PLCH2: variants seen among roughly 807,000 people sequenced by gnomAD.
PLCH2 encodes 1-phosphatidylinositol 4,5-bisphosphate phosphodiesterase eta-2.
In PLCH2, 98 loss-of-function variants were observed where a neutral mutation model predicts 134.7. The observed-to-expected ratio is 0.73, with a 90% CI of 0.62 to 0.86. The LOEUF (loss-of-function observed/expected upper bound fraction) is 0.86. Among genes scored for constraint, PLCH2 ranks in the 40% least tolerant of loss-of-function variants. The probability of loss-of-function intolerance (pLI) is 0.00; values close to 1 mark genes in which losing one functional copy is unlikely to be tolerated. For missense variants in PLCH2, 1,994 were observed against 1,986.6 expected, an observed-to-expected ratio of 1.00 and a Z score of -0.07; for synonymous variants, 974 against 827.5, an observed-to-expected ratio of 1.18 and a Z score of -3.04.
At chr1:2,472,943 TG>T (rs2100625561), upstream of PLCH2, among the ~76,000 whole-genome samples, 1 of 130,734 alleles carries the variant, frequency 7.6e-6, no homozygotes, top group African/African-American at 2.9e-5. Flanking sequence ...GTGTGATTTG[TG>T]GGTTTTGTTG....
At chr1:2,497,400 G>A (rs1443666047) in intron 15 of PLCH2, 102 bp from the exon 16 acceptor site, 6 of 768,840 alleles carry the variant, frequency 7.8e-6, no homozygotes, top group South Asian at 1.7e-5. Flanking sequence ...CGGCAGATAC[G>A]CGGCAGCTGT....
chr1:2,499,500 C>A, intron 19 of PLCH2, 141 bp from the exon 20 acceptor site: 1 of 727,474 alleles, frequency 1.4e-6, no homozygotes, highest in Non-Finnish European at 2.4e-6. Context: ...TAGTGCTGGG[C>A]CCACAGGAGG....
chr1:2,435,996 C>G (rs1270919604), intron 2 of PLCH2, among the ~76,000 whole-genome samples: 1 of 135,398 alleles, frequency 7.4e-6, no homozygotes, highest in Non-Finnish European at 1.6e-5. Context: ...CTCCCCTCCT[C>G]CCTTCCTCCC....
At chr1:2,415,954 C>T in the PLCH2 span, among the ~76,000 whole-genome samples, 5 of 152,256 alleles carry the variant, frequency 3.3e-5, no homozygotes, top group African/African-American at 4.8e-5. Context: ...AACCCAGTTC[C>T]GGTGCTGTGG....
chr1:2,503,586 C>T (rs1279448436), intron 21 of PLCH2: 18 of 689,446 alleles, frequency 2.6e-5, no homozygotes, highest in South Asian at 2.6e-4. Flanking sequence ...CCAAGCTTTC[C>T]TTTCTGCCCC....
intron 2 of PLCH2, among the ~76,000 whole-genome samples, chr1:2,436,531 T>TCCTTCCTCCCTCCTC (rs1463766314): frequency 1.6e-4 from 7 of 42,828 alleles, no homozygotes; most frequent in Non-Finnish European, 3.6e-5. Flanking sequence ...CCTCCTTTCC[T>TCCTTCCTCCCTCCTC]CCTTCCTCCC....
chr1:2,451,264 G>A (rs1243534272), intron 2 of PLCH2, among the ~76,000 whole-genome samples: 1 of 152,178 alleles, frequency 6.6e-6, no homozygotes, highest in Non-Finnish European at 1.5e-5. Context: ...GGCTTGCCTC[G>A]TGTCCCGATT....
In PLCH2 at chr1:2,504,982, C is replaced by T; in HGVS notation, c.4020C>T (p.Ser1340=). ...CTGGTTTTGTGCGGCGCTCCTCCTCCCGCAGCCACAGCCGCGTGCGTGCCA... is the reference window on the plus strand; with the variant it reads ...CTGGTTTTGTGCGGCGCTCCTCCTCTCGCAGCCACAGCCGCGTGCGTGCCA... ...GGPGFVRRSS[S]RSHSRVRAIA... is the part of the protein sequence containing the mutation. The change falls in exon 22 of 22, where the codon TCC becomes TCT. Residue 1340 remains serine, a synonymous_variant. Coordinates refer to ENST00000378486, the MANE Select transcript of PLCH2 (RefSeq NM_014638.4). 3.2e-6 allele frequency: 5 copies of T among 1,549,386 alleles called. No homozygotes were observed. The highest frequency in any genetic ancestry group is 1.2e-5 in the South Asian group (1 of 84,558).
chr1:2,473,939 G>A (rs1641474471), upstream of PLCH2, among the ~76,000 whole-genome samples: 1 of 152,274 alleles, frequency 6.6e-6, no homozygotes. Flanking sequence ...CCTGGCTCAG[G>A]CTCACGGGAG....
In PLCH2 at chr1:2,494,943, C is replaced by T. The variant is rs770274665; in HGVS notation, c.1747C>T (p.Arg583Cys). ...CCTCGTCGTGGGAAGCTTCTCCAGG[C>T]GCAAGGTCCGGCGCAGCTCCCAGGC... Reference protein sequence around the residue: ...GRLVVGSFSRRKKKGSKLKKA... With the variant: ...GRLVVGSFSRCKKKGSKLKKA... Residue 583 changes from arginine to cysteine, a missense_variant, in exon 12 of 22, where the codon CGC (arginine) becomes TGC (cysteine). By Grantham distance (180) the Arg-to-Cys change is radical (BLOSUM62 -3). Around this residue, in one of 2 missense-constraint regions of PLCH2, gnomAD observed 1,094 missense variants for 1,234.3 expected, o/e 0.89. Transcript: ENST00000378486. 11 of 1,588,596 alleles carry T rather than the reference C, an allele frequency of 6.9e-6. No individual in the cohort carries two copies. The highest frequency in any genetic ancestry group is 3.4e-5 in the South Asian group (3 of 87,718).
In PLCH2 at chr1:2,444,660, T is replaced by G. The variant is rs925139368; in HGVS notation, c.115+14031T>G. Among the ~76,000 whole-genome samples the G allele has an allele frequency of 6.6e-6, 1 of 151,960 alleles. No homozygotes were observed. Among genetic ancestry groups the G allele is most frequent in the Non-Finnish European group, 1.5e-5 (1 of 67,944 alleles). Reference sequence around the variant, plus strand: ...GGAAGATGCCAAGGAGATAAGAGGCTTCCCCTCCCCTCCGCTCCCCGCCTC... The same window carrying G: ...GGAAGATGCCAAGGAGATAAGAGGCGTCCCCTCCCCTCCGCTCCCCGCCTC... On this transcript the variant is annotated intron_variant, in intron 2 of 3. Transcript: ENST00000609981. The surrounding 1 kb of genome is among the most constrained non-coding windows in gnomAD (Gnocchi z 4.6).
rs1643267313 is a variant in PLCH2 at position 2,502,254 on chromosome 1, A to G, written c.2804A>G (p.Lys935Arg). 6.5e-7 allele frequency: 1 copy of G among 1,541,532 alleles called. No individual in the cohort carries two copies. The highest frequency in any genetic ancestry group is 8.7e-7 in the Non-Finnish European group (1 of 1,144,824). ...CGGCGCACGGCCAGCGCCCCGACCA[A>G]GAGCCAGAAGCCGGGCCGCAGGGGC... ...ILRRTASAPT[K>R]SQKPGRRGFP... Residue 935 changes from lysine (K) to arginine (R), a missense_variant, in exon 21 of 22, where the codon AAG becomes AGG. By Grantham distance (26) the Lys-to-Arg change is conservative (BLOSUM62 2). Around this residue, in one of 2 missense-constraint regions of PLCH2, gnomAD observed 900 missense variants for 752.3 expected, o/e 1.20. Transcript: ENST00000378486.
chr1:2,468,687 T>C (rs1031202711), intron 1 of PLCH2, among the ~76,000 whole-genome samples: 1 of 152,192 alleles, frequency 6.6e-6, no homozygotes, highest in African/African-American at 2.4e-5. Flanking sequence ...TCCTGGTGGT[T>C]TGGAACCTGC....
At chr1:2,417,504 C>G in the PLCH2 span, among the ~76,000 whole-genome samples, 1 of 152,274 alleles carries the variant, frequency 6.6e-6, no homozygotes, top group South Asian at 2.1e-4. Context: ...AGAGTGAGCC[C>G]AGGACCTGTG....
the PLCH2 span, among the ~76,000 whole-genome samples, chr1:2,419,220 AC>A: frequency 6.6e-6 from 1 of 152,078 alleles, no homozygotes; most frequent in Non-Finnish European, 1.5e-5. Context: ...CCTGGTCTGC[AC>A]GGTCGAGCTT....
chr1:2,462,760 G>A (rs1640884429), upstream of PLCH2, among the ~76,000 whole-genome samples: 1 of 152,080 alleles, frequency 6.6e-6, no homozygotes, highest in Non-Finnish European at 1.5e-5. Flanking sequence ...ACACAGCAGG[G>A]CCTTAGAGGG....
At chr1:2,483,324 G>C (rs187963148) in intron 4 of PLCH2, among the ~76,000 whole-genome samples, 8 of 152,312 alleles carry the variant, frequency 5.3e-5, no homozygotes, top group African/African-American at 1.9e-4. Context: ...CATCCTCAGT[G>C]GGGGGCCAGG....
Position 2,481,211 on chromosome 1 carries a change from G to A in PLCH2, c.645+899G>A, listed in dbSNP as rs114832781. Reference sequence around the variant, plus strand: ...GTTCTCACTGTAGGTGGCTGGTCATGCCTGGCTGGAGCAAGGGAAGCTGGC... The same window carrying A: ...GTTCTCACTGTAGGTGGCTGGTCATACCTGGCTGGAGCAAGGGAAGCTGGC... On this transcript the variant is annotated intron_variant, in intron 4 of 21. Transcript: ENST00000378486. 7.0e-3 allele frequency among the ~76,000 whole-genome samples: 1,065 copies of A among 152,354 alleles called. 13 individuals are homozygous for A. Among genetic ancestry groups the A allele is most frequent in the African/African-American group, 0.024 (999 of 41,580 alleles).
Position 2,444,481 on chromosome 1 carries a change from C to T in PLCH2, c.115+13852C>T, listed in dbSNP as rs1639848567. Among the ~76,000 whole-genome samples the T allele has an allele frequency of 6.6e-6, 1 of 152,170 alleles. No individual in the cohort carries two copies. The highest frequency in any genetic ancestry group is 2.4e-5 in the African/African-American group (1 of 41,446). On this transcript the variant is annotated intron_variant, in intron 2 of 3. Transcript: ENST00000609981. The surrounding 1 kb of genome is among the most constrained non-coding windows in gnomAD (Gnocchi z 4.6). The stretch of plus-strand genomic sequence containing the variant: ...GCACTGCCCGGGCAGGCGGGAGCTC[C>T]GGAGGCCCTGGGGCGGCCCTGCTGG...
Sources: gnomAD v4.1 joint callset for allele counts (sites outside exome capture counted in the v4.1 genomes callset) on GRCh38, gnomAD v4.1.1 for gene constraint, gnomAD v4.1.1 regional missense constraint, Gnocchi (gnomAD v3.1) non-coding constraint, MANE v1.5 for transcripts, NCBI Gene and HGNC (gene_info 2026-07-23, HGNC 2026-07-21) for gene names.